ERI3: variants seen among roughly 807,000 people sequenced by gnomAD.
ERI3 encodes the protein ERI1 exoribonuclease 3.
In ERI3, 18 loss-of-function variants were observed where a neutral mutation model predicts 44.4. That is an observed-to-expected ratio of 0.41 (90% confidence interval 0.28 to 0.60). The LOEUF is 0.60. Ranked by LOEUF, ERI3 falls within the 20% of genes least tolerant of loss-of-function variation. The pLI is 0.36. For synonymous variants in ERI3, 183 were observed against 164.8 expected (o/e 1.11, Z -0.84); for missense variants, 294 against 435.5 (o/e 0.68, Z 2.89).
rs1161252799 is a variant in ERI3 at position 44,240,931 on chromosome 1, A to G, written c.931+7008T>C. On this transcript the variant is annotated intron_variant, in intron 8 of 8. Transcript: ENST00000372257. Reference sequence around the variant, plus strand: ...AGCATAGGGAGGGATGTCCCACAGTAGCTGCAGGTGGAAGGGCAGGGCCCA... The same window carrying G: ...AGCATAGGGAGGGATGTCCCACAGTGGCTGCAGGTGGAAGGGCAGGGCCCA... Among the ~76,000 whole-genome samples the G allele has an allele frequency of 2.0e-5, 3 of 152,330 alleles. 1 individual carries two copies. The highest frequency in any genetic ancestry group is 6.8e-3 in the Middle Eastern group (2 of 294).
intron 3 of ERI3, chr1:44,322,758 T>C: frequency 6.5e-7 from 1 of 1,550,074 alleles, no homozygotes; most frequent in East Asian, 2.4e-5. Context: ...CTTCCATACT[T>C]CCCAGAACCT....
At chr1:44,333,865 C>T (rs1451821150) in intron 3 of ERI3, among the ~76,000 whole-genome samples, 2 of 152,152 alleles carry the variant, frequency 1.3e-5, no homozygotes, top group South Asian at 2.1e-4. Flanking sequence ...TGTCTGGAAA[C>T]GAGAAACTCC....
chr1:44,319,491 C>T (rs943768500), intron 4 of ERI3, 137 bp downstream of exon 4: 5 of 614,886 alleles, frequency 8.1e-6, no homozygotes, highest in Non-Finnish European at 1.4e-5. Context: ...TTCATAAAAC[C>T]TAACTGCTAG....
intron 8 of ERI3, among the ~76,000 whole-genome samples, chr1:44,247,557 C>A (rs1041518658): frequency 1.1e-4 from 16 of 152,180 alleles, no homozygotes; most frequent in South Asian, 1.0e-3. Context: ...AGTTTAGTGG[C>A]CACAGACTTC....
chr1:44,262,179 C>A (rs1453781069), intron 7 of ERI3, among the ~76,000 whole-genome samples: 4 of 152,134 alleles, frequency 2.6e-5, no homozygotes, highest in East Asian at 1.9e-4. Flanking sequence ...GACAATAACC[C>A]CCACTGGGCC....
Position 44,355,040 on chromosome 1 carries a change from C to A in ERI3, c.-14G>T, listed in dbSNP as rs746624809. ...GGCTGTCGCCATGGCAACGCCCCCTCCTCGGGGCCAGCGCGGCAGGCTCCC... is the reference window on the plus strand; with the variant it reads ...GGCTGTCGCCATGGCAACGCCCCCTACTCGGGGCCAGCGCGGCAGGCTCCC... On this transcript the variant is annotated 5_prime_UTR_variant, in exon 1 of 9. Transcript: ENST00000372257. The A allele has an allele frequency of 2.3e-5, 31 of 1,376,544 alleles. No homozygotes were observed. The allele number at this position is 1,376,544 out of a possible 1,614,324, so 85.3% of individuals were successfully genotyped here.
At chr1:44,289,545 G>C (rs1354454832) in intron 6 of ERI3, among the ~76,000 whole-genome samples, 1 of 152,182 alleles carries the variant, frequency 6.6e-6, no homozygotes, top group Non-Finnish European at 1.5e-5. Context: ...TACTTAGAAA[G>C]AAGAGAACAA....
intron 2 of ERI3, among the ~76,000 whole-genome samples, chr1:44,347,492 G>A (rs1412097890): frequency 1.3e-5 from 2 of 152,120 alleles, no homozygotes; most frequent in Admixed American, 1.3e-4. Flanking sequence ...TTTGGCAAAC[G>A]CTGCTCCCTA....
At chr1:44,258,019 T>G (rs1644814373) in intron 7 of ERI3, among the ~76,000 whole-genome samples, 1 of 152,152 alleles carries the variant, frequency 6.6e-6, no homozygotes, top group South Asian at 2.1e-4. Flanking sequence ...AATGACCCTG[T>G]CTCTCCCACC....
chr1:44,233,606 T>C (rs940313558), intron 8 of ERI3, among the ~76,000 whole-genome samples: 2 of 151,920 alleles, frequency 1.3e-5, no homozygotes, highest in Admixed American at 6.6e-5. Flanking sequence ...ATCCCTCCAC[T>C]CCAGCTGGGT....
At chr1:44,292,978 G>A (rs1031216261) in intron 6 of ERI3, among the ~76,000 whole-genome samples, 2 of 152,238 alleles carry the variant, frequency 1.3e-5, no homozygotes, top group East Asian at 1.9e-4. Flanking sequence ...GCAGGAGCAC[G>A]AGAGCAAGGG....
intron 5 of ERI3, 67 bp from the exon 6 acceptor site, chr1:44,308,468 A>G: frequency 8.4e-7 from 1 of 1,184,854 alleles, no homozygotes; most frequent in Admixed American, 1.7e-5. Context: ...GAGCCACAAC[A>G]GCAAAACACA....
intron 7 of ERI3, among the ~76,000 whole-genome samples, chr1:44,264,340 C>A (rs974886677): frequency 6.6e-6 from 1 of 152,164 alleles, no homozygotes; most frequent in Non-Finnish European, 1.5e-5. Context: ...CCGCACACAC[C>A]CATCCGTTCT....
Position 44,284,854 on chromosome 1 carries a change from T to C in ERI3, c.812A>G (p.Gln271Arg). ...LGLPVADYFK[Q>R]WINLKKAYSF... ...CAGTACCTTTTTCAGATTAATCCAC[T>C]GCTTGAAGTAATCCGCCACTGGCAA... Residue 271 changes from glutamine to arginine, a missense_variant, in exon 7 of 9, where the codon CAG (glutamine) becomes CGG (arginine). Transcript: ENST00000372257. 1 of 1,614,058 alleles carries C rather than the reference T, an allele frequency of 6.2e-7. No homozygotes were observed. The highest frequency in any genetic ancestry group is 1.3e-5 in the African/African-American group (1 of 75,030).
chr1:44,232,364 G>A lies in ERI3; in HGVS notation c.932-10724C>T, dbSNP rs558780806. 2.1e-3 allele frequency among the ~76,000 whole-genome samples: 316 copies of A among 152,212 alleles called. 1 individual carries two copies. Among genetic ancestry groups the A allele is most frequent in the Non-Finnish European group, 3.4e-3 (231 of 68,022 alleles). Reference sequence around the variant, plus strand: ...CAAATTGTTTCTTGCTGTATCTCAGGACACAGGCTATGTTAGGAAAAAGGC... The same window carrying A: ...CAAATTGTTTCTTGCTGTATCTCAGAACACAGGCTATGTTAGGAAAAAGGC... On this transcript the variant is annotated intron_variant, in intron 8 of 8. Transcript: ENST00000372257.
chr1:44,295,811 A>T (rs1645598013), intron 6 of ERI3, among the ~76,000 whole-genome samples: 1 of 152,230 alleles, frequency 6.6e-6, no homozygotes, highest in South Asian at 2.1e-4. Context: ...ATCACTCATT[A>T]GAAGCTTCCA....
At chr1:44,261,986 T>A (rs958434814) in intron 7 of ERI3, among the ~76,000 whole-genome samples, 1 of 152,148 alleles carries the variant, frequency 6.6e-6, no homozygotes, top group African/African-American at 2.4e-5. Context: ...AGAGGGAGGA[T>A]CTGCTTGGGG....
intron 3 of ERI3, among the ~76,000 whole-genome samples, chr1:44,329,859 T>C (rs1646393645): frequency 1.3e-5 from 2 of 152,200 alleles, no homozygotes; most frequent in African/African-American, 4.8e-5. Flanking sequence ...CAAACCTCAG[T>C]ACCACTGACT....
chr1:44,252,668 G>C lies in ERI3; in HGVS notation c.832-4630C>G, dbSNP rs973091873. Among the ~76,000 whole-genome samples the C allele has an allele frequency of 7.9e-5, 12 of 152,176 alleles. No homozygotes were observed. Among genetic ancestry groups the C allele is most frequent in the African/African-American group, 2.9e-4 (12 of 41,450 alleles). On this transcript the variant is annotated intron_variant, in intron 7 of 8. Coordinates refer to ENST00000372257, the MANE Select transcript of ERI3 (RefSeq NM_024066.3). The surrounding 1 kb of genome is among the most constrained non-coding windows in gnomAD (Gnocchi z 4.7). ...CTTAGCAGCTGCGACAAGTGTATTG[G>C]GTTTAATAGATGAAGTAGCCCTCAT... is the stretch of plus-strand genomic sequence containing the variant.
Sources: allele counts gnomAD v4.1 joint callset (sites outside exome capture counted in the v4.1 genomes callset), GRCh38; gene constraint gnomAD v4.1.1; non-coding constraint Gnocchi (gnomAD v3.1); transcripts MANE v1.5; gene names NCBI Gene and HGNC (gene_info 2026-07-23, HGNC 2026-07-21).